The following MPPED2 variants were observed in gnomAD, a reference collection of about 807,000 sequenced individuals.
MPPED2 encodes the protein metallophosphoesterase domain containing 2.
MPPED2 carries 5 observed loss-of-function variants against 33.0 expected under a neutral mutation model. The ratio of observed to expected loss-of-function variants is 0.15; its 90% confidence interval spans 0.08 to 0.32. The LOEUF is 0.32. Among genes scored for constraint, MPPED2 ranks in the 10% least tolerant of loss-of-function variants. The pLI, the probability that MPPED2 is intolerant of heterozygous loss-of-function variation, is 1.00. For synonymous variants in MPPED2, 136 were observed against 141.9 expected, an observed-to-expected ratio of 0.96 and a Z score of 0.29; for missense variants, 275 against 372.1, an observed-to-expected ratio of 0.74 and a Z score of 2.15.
intron 4 of MPPED2, among the ~76,000 whole-genome samples, chr11:30,468,545 G>A (rs1590399968): frequency 6.6e-6 from 1 of 152,120 alleles, no homozygotes; most frequent in African/African-American, 2.4e-5. Flanking sequence ...GGGAAAAAGA[G>A]GGTAAAAGGA....
intron 4 of MPPED2, among the ~76,000 whole-genome samples, chr11:30,445,500 A>T (rs1398988391): frequency 6.6e-6 from 1 of 152,238 alleles, no homozygotes; most frequent in East Asian, 1.9e-4. Flanking sequence ...AACCATTTTT[A>T]GTGTAGTTCA....
At position 30,540,285 on chromosome 11, in the gene MPPED2, G is replaced by A. The variant is rs1398670105; in HGVS notation, c.129-4110C>T. 3.3e-5 allele frequency among the ~76,000 whole-genome samples: 5 copies of A among 152,162 alleles called. No individual in the cohort carries two copies. In the South Asian group the frequency reaches 6.2e-4, roughly 19 times the overall value. On this transcript the variant is annotated intron_variant, in intron 2 of 6. Coordinates refer to ENST00000358117, the MANE Select transcript of MPPED2 (RefSeq NM_001584.3). ...AAATAGAGTAGCAGAATAGCGTAAGGGTGAAGGATGTTTGGCTGCAGAGCC... is the reference window on the plus strand; with the variant it reads ...AAATAGAGTAGCAGAATAGCGTAAGAGTGAAGGATGTTTGGCTGCAGAGCC...
At chr11:30,533,678 T>C (rs1954658196) in intron 3 of MPPED2, among the ~76,000 whole-genome samples, 1 of 152,122 alleles carries the variant, frequency 6.6e-6, no homozygotes, top group Non-Finnish European at 1.5e-5. Flanking sequence ...GCCTTCTCTA[T>C]GGGATCCCAA....
At chr11:30,470,058 T>TA (rs1950882137) in intron 4 of MPPED2, among the ~76,000 whole-genome samples, 1 of 152,234 alleles carries the variant, frequency 6.6e-6, no homozygotes, top group African/African-American at 2.4e-5. Context: ...CTGAATTTTT[T>TA]ATCTGTCCAT....
At chr11:30,574,615 C>T (rs1300318071) in intron 2 of MPPED2, among the ~76,000 whole-genome samples, 1 of 152,152 alleles carries the variant, frequency 6.6e-6, no homozygotes, top group South Asian at 2.1e-4. Context: ...CAATGAACAG[C>T]CTTTGGCCTA....
chr11:30,468,004 C>G (rs1342721671), intron 4 of MPPED2, among the ~76,000 whole-genome samples: 1 of 52,992 alleles, frequency 1.9e-5, no homozygotes, highest in Non-Finnish European at 3.0e-5. Flanking sequence ...TACAGCTCTC[C>G]CCAGAGGCCC....
At chr11:30,424,354 TA>T (rs1948740062) in intron 4 of MPPED2, among the ~76,000 whole-genome samples, 1 of 152,216 alleles carries the variant, frequency 6.6e-6, no homozygotes, top group Non-Finnish European at 1.5e-5. Context: ...CTTTCTTTTC[TA>T]AATGGTAGCC....
At chr11:30,476,304 T>C (rs949845975) in intron 4 of MPPED2, among the ~76,000 whole-genome samples, 1 of 152,026 alleles carries the variant, frequency 6.6e-6, no homozygotes, top group Non-Finnish European at 1.5e-5. Context: ...TTGTTTATGT[T>C]TTTTGTGTCC....
intron 4 of MPPED2, chr11:30,441,512 T>A (rs757616402): frequency 3.3e-5 from 5 of 152,230 alleles, no homozygotes; most frequent in African/African-American, 4.8e-5. Flanking sequence ...ATCTGTAATG[T>A]ATGAAATACT....
rs146407030 is a variant in MPPED2 at position 30,555,073 on chromosome 11, CA to C, written c.129-18899del. Among the ~76,000 whole-genome samples, 728 of 152,278 alleles carry C rather than the reference CA, an allele frequency of 4.8e-3. 9 individuals carry two copies. The highest frequency in any genetic ancestry group is 0.017 in the African/African-American group (710 of 41,552). ...CATCTACTTAATTCACCCCACAGGA[CA>C]AACTATTCTCACTCAACTACAAATT... On this transcript the variant is annotated intron_variant, in intron 2 of 6. Coordinates refer to ENST00000358117, the MANE Select transcript of MPPED2 (RefSeq NM_001584.3).
chr11:30,560,311 T>TAA (rs201349628), intron 2 of MPPED2, among the ~76,000 whole-genome samples: 3 of 149,316 alleles, frequency 2.0e-5, no homozygotes, highest in Non-Finnish European at 3.0e-5. Context: ...AGTTTTTTTT[T>TAA]TAAAAAAAAA....
At chr11:30,529,370 G>T (rs1006339912) in intron 3 of MPPED2, among the ~76,000 whole-genome samples, 2 of 152,146 alleles carry the variant, frequency 1.3e-5, no homozygotes, top group Non-Finnish European at 2.9e-5. Context: ...TTTTTATAAT[G>T]TTATGTGTAT....
At chr11:30,518,540 A>T (rs1057159814) in intron 3 of MPPED2, among the ~76,000 whole-genome samples, 5 of 152,234 alleles carry the variant, frequency 3.3e-5, no homozygotes, top group African/African-American at 1.2e-4. Context: ...GACAGTGCTG[A>T]CCTATAATCA....
At chr11:30,423,183 T>C (rs1342427999) in intron 4 of MPPED2, among the ~76,000 whole-genome samples, 1 of 152,060 alleles carries the variant, frequency 6.6e-6, no homozygotes, top group South Asian at 2.1e-4. Context: ...AGCAATTTAC[T>C]CCCCCACAAA....
intron 6 of MPPED2, among the ~76,000 whole-genome samples, chr11:30,396,712 G>T (rs574738189): frequency 1.4e-4 from 22 of 152,066 alleles, no homozygotes; most frequent in East Asian, 5.8e-4. Flanking sequence ...TCTTTTTTCA[G>T]TTTATTTTTA....
chr11:30,404,248 G>T lies in MPPED2; in HGVS notation c.766+9980C>A, dbSNP rs11031071. 3.5e-3 allele frequency among the ~76,000 whole-genome samples: 532 copies of T among 152,302 alleles called. 2 individuals carry two copies. The highest frequency in any genetic ancestry group is 6.0e-3 in the Non-Finnish European group (405 of 68,020). On this transcript the variant is annotated intron_variant, in intron 6 of 6. Coordinates refer to the MPPED2 transcript ENST00000448418. ...AGTATTTCTCCAGAGAGCTATTTTG[G>T]ATTCCACATAAGAGTAATGGTGGCC...
chr11:30,546,139 T>A (rs1027240213), intron 2 of MPPED2, among the ~76,000 whole-genome samples: 4 of 152,184 alleles, frequency 2.6e-5, no homozygotes, highest in Non-Finnish European at 5.9e-5. Flanking sequence ...TCTTAAAAAG[T>A]AAGTTTATCA....
chr11:30,442,878 G>A (rs1470554545), intron 4 of MPPED2, among the ~76,000 whole-genome samples: 2 of 152,094 alleles, frequency 1.3e-5, no homozygotes, highest in Non-Finnish European at 2.9e-5. Flanking sequence ...ACTGGGTATG[G>A]TGGCTTGAGC....
chr11:30,455,954 C>T (rs866214883), intron 4 of MPPED2, among the ~76,000 whole-genome samples: 8 of 152,228 alleles, frequency 5.3e-5, no homozygotes, highest in Admixed American at 1.3e-4. Flanking sequence ...ACAGACAGGA[C>T]GCTGCCCTGG....
Sources: allele counts gnomAD v4.1 joint callset (sites outside exome capture counted in the v4.1 genomes callset), GRCh38; gene constraint gnomAD v4.1.1; transcripts MANE v1.5; gene names NCBI Gene and HGNC (gene_info 2026-07-23, HGNC 2026-07-21).